The following GBP2 variants were observed in gnomAD, a reference collection of about 807,000 sequenced individuals.
The protein encoded by GBP2 is guanylate-binding protein 2.
Under a neutral mutation model 60.8 loss-of-function variants are expected in GBP2, and 54 were observed. The ratio of observed to expected loss-of-function variants is 0.89; its 90% CI spans 0.71 to 1.11. The LOEUF is 1.11. Ranked by LOEUF, GBP2 falls within the 50% of genes most tolerant of loss-of-function variation. The probability of loss-of-function intolerance (pLI) is 0.00; values close to 1 mark genes in which losing one functional copy is unlikely to be tolerated. For synonymous variants in GBP2, 243 were observed against 256.5 expected, an observed-to-expected ratio of 0.95 and a Z score of 0.50; for missense variants, 665 against 703.3, an observed-to-expected ratio of 0.95 and a Z score of 0.62.
chr1:89,116,720 A>G (rs1400154530), intron 6 of GBP2, among the ~76,000 whole-genome samples: 1 of 152,182 alleles, frequency 6.6e-6, no homozygotes, highest in Non-Finnish European at 1.5e-5. Flanking sequence ...TTTATTTGAT[A>G]AAGAGGGAGC....
chr1:89,123,873 T>C (rs10922575), intron 1 of GBP2, among the ~76,000 whole-genome samples: 93,868 of 152,126 alleles, frequency 0.62, 29,848 homozygotes, highest in East Asian at 0.78. Flanking sequence ...TCTGTCTTTC[T>C]ATTCTTTCCA....
intron 10 of GBP2, 44 bp downstream of exon 10, chr1:89,109,633 T>C: frequency 1.3e-6 from 2 of 1,566,178 alleles, no homozygotes; most frequent in East Asian, 2.2e-5. Context: ...TCATTTTCGA[T>C]ATGGGGCACT....
rs749343343 is a variant in GBP2 at position 89,107,475 on chromosome 1, A to G, written c.*700T>C. Among the ~76,000 whole-genome samples, 2 of 152,194 alleles carry G rather than the reference A, an allele frequency of 1.3e-5. No individual in the cohort carries two copies. The highest frequency in any genetic ancestry group is 2.9e-5 in the Non-Finnish European group (2 of 68,026). On this transcript the variant is annotated 3_prime_UTR_variant, in exon 11 of 11. Transcript: ENST00000370466. Reference sequence around the variant, plus strand: ...CCTGGGAATGGGGCAGTAATTACCTAGAGGGTTTACATGGACAGAGAAGGT... The same window carrying G: ...CCTGGGAATGGGGCAGTAATTACCTGGAGGGTTTACATGGACAGAGAAGGT...
At chr1:89,108,627 T>C (rs576407409) in intron 10 of GBP2, among the ~76,000 whole-genome samples, 1 of 152,336 alleles carries the variant, frequency 6.6e-6, no homozygotes, top group East Asian at 1.9e-4. Context: ...CTCTTAAATA[T>C]ATATCTAGGA....
intron 8 of GBP2, among the ~76,000 whole-genome samples, chr1:89,111,466 T>C (rs1018331392): frequency 6.6e-6 from 1 of 152,160 alleles, no homozygotes; most frequent in African/African-American, 2.4e-5. Context: ...GATCTGTTAT[T>C]TGCAAGAACG....
At chr1:89,124,718 T>C (rs1406802551) in intron 1 of GBP2, among the ~76,000 whole-genome samples, 1 of 152,208 alleles carries the variant, frequency 6.6e-6, no homozygotes, top group Non-Finnish European at 1.5e-5. Flanking sequence ...CATCACTTGT[T>C]CTTAATATTT....
intron 2 of GBP2, 68 bp downstream of exon 2, chr1:89,121,709 A>G: frequency 1.3e-6 from 2 of 1,502,306 alleles, no homozygotes; most frequent in African/African-American, 2.8e-5. Context: ...CTATGCTCAC[A>G]TCCCTAAGCT....
rs985067655 is a variant in GBP2, at chr1:89,110,272, T to G, written c.1363-6A>C. On this transcript the variant is annotated splice_region_variant and splice_polypyrimidine_tract_variant and intron_variant, in intron 8 of 10. Coordinates refer to ENST00000370466, the MANE Select transcript of GBP2 (RefSeq NM_004120.5). ...TTTTTCAGCACCTCTTTGGCCTGGTTATACAGAGAAAGGTAGAATGAAGAA... is the reference window on the plus strand; with the variant it reads ...TTTTTCAGCACCTCTTTGGCCTGGTGATACAGAGAAAGGTAGAATGAAGAA... The G allele has an allele frequency of 5.6e-6, 9 of 1,605,358 alleles. No homozygotes were observed. The highest frequency in any genetic ancestry group is 1.3e-5 in the African/African-American group (1 of 74,712).
At chr1:89,108,684 T>A (rs74098323) in intron 10 of GBP2, among the ~76,000 whole-genome samples, 287 of 152,280 alleles carry the variant, frequency 1.9e-3, no homozygotes, top group African/African-American at 6.6e-3. Flanking sequence ...ACTATATAAC[T>A]CAAGACTAGG....
chr1:89,112,587 A>G lies in GBP2; in HGVS notation c.1247T>C (p.Leu416Ser). 6.2e-7 allele frequency: 1 copy of G among 1,614,140 alleles called. No individual in the cohort carries two copies. Among genetic ancestry groups the G allele is most frequent in the Non-Finnish European group, 8.5e-7 (1 of 1,179,992 alleles). Residue 416 changes from leucine to serine, a missense_variant, in exon 8 of 11, where the codon TTA (leucine) becomes TCA (serine). Leu to Ser is a moderately radical substitution (Grantham distance 145, BLOSUM62 -2). Transcript: ENST00000370466. Reference protein sequence around the residue: ...MALLQDIFGPLEEDVKQGTFS... With the variant: ...MALLQDIFGPSEEDVKQGTFS... ...TGTTCCCTGCTTGACATCTTCTTCT[A>G]AAGGGCCAAATATATCCTGAAGTAA...
intron 4 of GBP2, chr1:89,119,860 A>G: frequency 3.9e-6 from 1 of 258,280 alleles, no homozygotes; most frequent in Non-Finnish European, 7.5e-6. Context: ...CTTAGAGCAG[A>G]TGATAAGAAT....
At chr1:89,113,038 G>A (rs1238257697) in intron 7 of GBP2, 2 of 297,476 alleles carry the variant, frequency 6.7e-6, no homozygotes, top group Non-Finnish European at 1.3e-5. Context: ...TGGAGTTCCC[G>A]GATACACTAC....
chr1:89,114,994 C>G, intron 6 of GBP2, among the ~76,000 whole-genome samples: 1 of 152,114 alleles, frequency 6.6e-6, no homozygotes, highest in Non-Finnish European at 1.5e-5. Context: ...AGTTTTGCAC[C>G]TTATTTTTAA....
Position 89,119,278 on chromosome 1 carries a change from T to G in GBP2, c.428+901A>C, listed in dbSNP as rs1338884186. 17 of 152,020 alleles carry G rather than the reference T, an allele frequency of 1.1e-4. 1 individual carries two copies. The highest frequency in any genetic ancestry group is 6.6e-4 in the Admixed American group (10 of 15,254). 9.4% of individuals were successfully genotyped at this position (152,020 alleles called of 1,614,324 possible). A position where few individuals can be genotyped will look rare whatever the true frequency, so the allele number is the denominator to read the frequency against. ...AATTTATGTAATGCTCCTAGAGAAA[T>G]AAAAGGCTTATGGAAGATTGGAAGA... On this transcript the variant is annotated intron_variant, in intron 4 of 10. Coordinates refer to ENST00000370466, the MANE Select transcript of GBP2 (RefSeq NM_004120.5).
chr1:89,122,812 TCTGTTGATAATTCTTG>T (rs1426911888), intron 1 of GBP2, among the ~76,000 whole-genome samples: 1 of 152,236 alleles, frequency 6.6e-6, no homozygotes, highest in East Asian at 1.9e-4. Context: ...ATTTTTAGCA[TCTGTTGATAATTCTTG>T]CTTATAACTT....
chr1:89,114,437 C>G (rs1317884153), intron 6 of GBP2, 141 bp from the exon 7 acceptor site: 1 of 1,048,096 alleles, frequency 9.5e-7, no homozygotes, highest in East Asian at 2.6e-5. Context: ...TTGTTAACCT[C>G]TAATCACAGA....
In GBP2 at chr1:89,109,729, T is replaced by C; in HGVS notation, c.1607A>G (p.Asp536Gly). Residue 536 changes from aspartate to glycine, a missense_variant, in exon 10 of 11, where the codon GAC becomes GGC. By Grantham distance (94) the Asp-to-Gly change is moderately conservative. Coordinates refer to ENST00000370466, the MANE Select transcript of GBP2 (RefSeq NM_004120.5). ...TTGCTCTGCCATTAACTGGGCCCTG[T>C]CCCTCTCCATCTTCTCAGTCAATTG... The part of the protein sequence containing the change: ...VKQLTEKMER[D>G]RAQLMAEQEK... The C allele has an allele frequency of 6.2e-7, 1 of 1,614,068 alleles. No homozygotes were observed. Among genetic ancestry groups the C allele is most frequent in the Non-Finnish European group, 8.5e-7 (1 of 1,179,924 alleles).
Position 89,121,868 on chromosome 1 carries a change from T to C in GBP2, c.99A>G (p.Ala33=), listed in dbSNP as rs1681406377. 2 of 1,614,118 alleles carry C rather than the reference T, an allele frequency of 1.2e-6. No homozygotes were observed. The highest frequency in any genetic ancestry group is 1.7e-6 in the Non-Finnish European group (2 of 1,179,988). Residue 33 remains alanine, a synonymous_variant, in exon 2 of 11, where the codon GCA becomes GCG. Coordinates refer to ENST00000370466, the MANE Select transcript of GBP2 (RefSeq NM_004120.5). The stretch of plus-strand genomic sequence containing the variant: ...CCACCACCACCACAGGCTGCGTAAT[T>C]GCAGATAGGATCTTCAGAGCTTCTG... ...VNPEALKILS[A]ITQPVVVVAI...
At chr1:89,113,911 A>G (rs1380562312) in intron 7 of GBP2, 105 bp downstream of exon 7, 1 of 1,276,922 alleles carries the variant, frequency 7.8e-7, no homozygotes, top group Non-Finnish European at 1.1e-6. Flanking sequence ...TATTTCAAAT[A>G]TGTACACATA....
Sources: gnomAD v4.1 joint callset for allele counts (sites outside exome capture counted in the v4.1 genomes callset) on GRCh38, gnomAD v4.1.1 for gene constraint, MANE v1.5 for transcripts, NCBI Gene and HGNC (gene_info 2026-07-23, HGNC 2026-07-21) for gene names.